Variants in STK3 observed in about 807,000 individuals in gnomAD.
STK3 encodes serine/threonine kinase 3.
A neutral mutation model predicts 58.0 loss-of-function variants in STK3; 41 were observed. That is an observed-to-expected ratio of 0.71 (90% CI 0.55 to 0.92). The LOEUF (loss-of-function observed/expected upper bound fraction) is 0.92, where lower values mean the gene tolerates loss of function less well. Ranked by LOEUF, STK3 falls within the 40% of genes least tolerant of loss-of-function variation. STK3 has a pLI of 0.00. For missense variants in STK3, 479 were observed against 602.7 expected, an observed-to-expected ratio of 0.79 and a Z score of 2.15; for synonymous variants, 170 against 191.0, an observed-to-expected ratio of 0.89 and a Z score of 0.91.
chr8:98,863,489 A>AACACACACATGCTC (rs1220397180), intron 3 of STK3, among the ~76,000 whole-genome samples: 2 of 152,126 alleles, frequency 1.3e-5, no homozygotes, highest in African/African-American at 4.8e-5. Flanking sequence ...GGAATTCATA[A>AACACACACATGCTC]ACACACACAT....
At chr8:98,883,834 C>T (rs1213535958) in exon 2 of STK3, 28 of 660,790 alleles carry the variant, frequency 4.2e-5, no homozygotes, top group Non-Finnish European at 3.6e-5. Flanking sequence ...CATTGAATGG[C>T]CTATTTGGAA....
chr8:98,651,157 C>T (rs1043765183), intron 6 of STK3, among the ~76,000 whole-genome samples: 3 of 152,184 alleles, frequency 2.0e-5, no homozygotes, highest in East Asian at 3.9e-4. Context: ...TCCAGAGGAA[C>T]GATCAGACAG....
At chr8:98,723,233 A>T (rs927992209) in intron 4 of STK3, among the ~76,000 whole-genome samples, 8 of 152,154 alleles carry the variant, frequency 5.3e-5, no homozygotes, top group African/African-American at 1.9e-4. Context: ...ATCAGGGATA[A>T]AAGTAAGACA....
intron 7 of STK3, among the ~76,000 whole-genome samples, chr8:98,590,912 T>C (rs893677507): frequency 1.3e-5 from 2 of 152,230 alleles, no homozygotes; most frequent in African/African-American, 4.8e-5. Flanking sequence ...TGTTTTATCA[T>C]AATATTCTAT....
At position 98,893,512 on chromosome 8, in the gene STK3, G is replaced by GAAAA. The variant is rs1554697119; in HGVS notation, c.-78-9679_-78-9678insTTTT. Among the ~76,000 whole-genome samples the GAAAA allele has an allele frequency of 2.6e-3, 318 of 123,462 alleles. 3 individuals carry two copies. The highest frequency in any genetic ancestry group is 3.3e-3 in the Non-Finnish European group (185 of 56,756). 81.0% of individuals were successfully genotyped at this position (123,462 alleles called of 152,430 possible). A position where few individuals can be genotyped will look rare whatever the true frequency, so the allele number is the denominator to read the frequency against. ...AGAAAGAAAGAAAGAAAGAAAGAAA[G>GAAAA]AAAGAAAGAAAGAAAGAAAGAAAGA... On this transcript the variant is annotated intron_variant, in intron 1 of 1. Transcript: ENST00000519420.
At chr8:98,855,881 G>GAA (rs1444768922) in intron 3 of STK3, among the ~76,000 whole-genome samples, 4 of 152,008 alleles carry the variant, frequency 2.6e-5, no homozygotes, top group Non-Finnish European at 4.4e-5. Context: ...ATTAGGCCGG[G>GAA]CATGGTGGTT....
intron 1 of STK3, among the ~76,000 whole-genome samples, chr8:98,922,822 T>C (rs1839619146): frequency 6.6e-6 from 1 of 152,272 alleles, no homozygotes; most frequent in Non-Finnish European, 1.5e-5. Context: ...TCAAAGTACA[T>C]GCTGTTTGCT....
At chr8:98,746,032 A>T (rs866919204) in intron 4 of STK3, among the ~76,000 whole-genome samples, 2 of 152,216 alleles carry the variant, frequency 1.3e-5, no homozygotes, top group African/African-American at 4.8e-5. Context: ...AAGTACAGTA[A>T]AAATACGATA....
chr8:98,356,015 T>C, the STK3 span, among the ~76,000 whole-genome samples: 1 of 152,184 alleles, frequency 6.6e-6, no homozygotes, highest in African/African-American at 2.4e-5. Flanking sequence ...AATGGGCTTG[T>C]GATGGACAGA....
chr8:98,680,340 T>C (rs985823215), intron 6 of STK3, among the ~76,000 whole-genome samples: 25 of 152,102 alleles, frequency 1.6e-4, no homozygotes, highest in African/African-American at 5.6e-4. Flanking sequence ...GAAAAATAAA[T>C]ATCATGATTG....
rs1010040746 is a variant in STK3, at chr8:98,598,628, G to C, written c.685-2459C>G. The C allele has an allele frequency of 4.0e-5, 39 of 985,052 alleles. No individual in the cohort carries two copies. In the African/African-American group the frequency reaches 6.6e-4, roughly 17 times the overall value. The allele number at this position is 985,052 out of a possible 1,614,324, so 61.0% of individuals were successfully genotyped here. The stretch of plus-strand genomic sequence containing the variant: ...TTTATATGAGTTGATTAGGTATTAG[G>C]CCCCTTCTATAGAAAGTTTTGGCAA... On this transcript the variant is annotated intron_variant, in intron 6 of 10. Coordinates refer to ENST00000419617, the MANE Select transcript of STK3 (RefSeq NM_006281.4).
intron 1 of STK3, among the ~76,000 whole-genome samples, chr8:98,793,772 C>T (rs185003352): frequency 1.1e-4 from 16 of 152,076 alleles, no homozygotes; most frequent in Admixed American, 4.6e-4. Context: ...GAAGATACTA[C>T]GAGATCAACC....
chr8:98,406,712 T>C (rs936401558), intron 3 of STK3, among the ~76,000 whole-genome samples: 2 of 152,356 alleles, frequency 1.3e-5, no homozygotes, highest in African/African-American at 4.8e-5. Context: ...TAATCCCTTA[T>C]CTGCGCCTAC....
intron 3 of STK3, among the ~76,000 whole-genome samples, chr8:98,850,176 AT>A (rs1836396072): frequency 6.6e-6 from 1 of 152,084 alleles, no homozygotes. Flanking sequence ...TATTTAATTA[AT>A]TTTTTTAGAG....
intron 1 of STK3, among the ~76,000 whole-genome samples, chr8:98,919,214 T>C (rs1839458131): frequency 1.3e-5 from 2 of 152,218 alleles, no homozygotes; most frequent in African/African-American, 4.8e-5. Flanking sequence ...AGATCTCATC[T>C]TAGAAGAGGG....
At chr8:98,655,218 A>C (rs1336962150) in intron 6 of STK3, among the ~76,000 whole-genome samples, 1 of 152,190 alleles carries the variant, frequency 6.6e-6, no homozygotes, top group East Asian at 1.9e-4. Context: ...AAACCTGACA[A>C]AAACAAGCAA....
At chr8:98,741,006 A>T (rs936439923) in intron 4 of STK3, among the ~76,000 whole-genome samples, 5 of 152,234 alleles carry the variant, frequency 3.3e-5, no homozygotes, top group African/African-American at 1.2e-4. Flanking sequence ...GAAGGCCATT[A>T]CATAATGGTA....
intron 1 of STK3, among the ~76,000 whole-genome samples, chr8:98,920,253 C>T (rs570392474): frequency 1.3e-5 from 2 of 152,226 alleles, no homozygotes; most frequent in South Asian, 4.1e-4. Flanking sequence ...ATTCTCATCA[C>T]ACAAAAAAAT....
intron 1 of STK3, among the ~76,000 whole-genome samples, chr8:98,820,308 T>C (rs975390529): frequency 5.9e-5 from 9 of 152,222 alleles, no homozygotes; most frequent in African/African-American, 2.2e-4. Flanking sequence ...TCACCTGTCT[T>C]GAGAGTAAGT....
Sources: gnomAD v4.1 joint callset for allele counts (sites outside exome capture counted in the v4.1 genomes callset) on GRCh38, gnomAD v4.1.1 for gene constraint, MANE v1.5 for transcripts, NCBI Gene and HGNC (gene_info 2026-07-23, HGNC 2026-07-21) for gene names.